The following DSE variants were observed in gnomAD, a reference collection of about 807,000 sequenced individuals.
DSE encodes the protein dermatan-sulfate epimerase.
DSE carries 36 observed loss-of-function variants against 84.4 expected under a neutral mutation model. That is an observed-to-expected ratio of 0.43 (90% CI 0.33 to 0.56). The LOEUF (loss-of-function observed/expected upper bound fraction) is 0.56. Among genes scored for constraint, DSE ranks in the 20% least tolerant of loss-of-function variants. The pLI is 0.06. For missense variants in DSE, 862 were observed against 1,169.6 expected (o/e 0.74, Z 3.84); for synonymous variants, 410 against 430.1 (o/e 0.95, Z 0.58).
At chr6:116,281,489 A>C (rs1440507757) in intron 2 of DSE, among the ~76,000 whole-genome samples, 1 of 152,200 alleles carries the variant, frequency 6.6e-6, no homozygotes, top group Non-Finnish European at 1.5e-5. Flanking sequence ...AGCCCCTTCT[A>C]CCTTGCTCAT....
At chr6:116,305,453 CA>C (rs1775289717) in intron 2 of DSE, among the ~76,000 whole-genome samples, 1 of 152,012 alleles carries the variant, frequency 6.6e-6, no homozygotes, top group Non-Finnish European at 1.5e-5. Flanking sequence ...TTGAAGGAGA[CA>C]AAAGAAGCAA....
At chr6:116,275,419 ATCTT>A (rs1339648951) in intron 2 of DSE, among the ~76,000 whole-genome samples, 2 of 152,244 alleles carry the variant, frequency 1.3e-5, no homozygotes, top group African/African-American at 4.8e-5. Flanking sequence ...TGCTCATTAA[ATCTT>A]TCTGAGAACT....
In DSE at chr6:116,430,937, G is replaced by A; in HGVS notation, c.671-17G>A. On this transcript the variant is annotated splice_polypyrimidine_tract_variant and intron_variant, in intron 3 of 5. Coordinates refer to ENST00000644252, the MANE Select transcript of DSE (RefSeq NM_013352.4). ...CACAGGCTTTAGTCATTGCTTCCAT[G>A]TGTTTTCATCCTTCAGGATATCTTC... 6.2e-7 allele frequency: 1 copy of A among 1,611,194 alleles called. No homozygotes were observed. The highest frequency in any genetic ancestry group is 8.5e-7 in the Non-Finnish European group (1 of 1,178,890).
intron 1 of DSE, among the ~76,000 whole-genome samples, chr6:116,385,778 G>A (rs2114959717): frequency 6.8e-6 from 1 of 147,472 alleles, no homozygotes; most frequent in East Asian, 2.0e-4. Flanking sequence ...ATCAAAATAA[G>A]TACATATAAA....
Position 116,339,357 on chromosome 6 carries a change from A to G in DSE, c.-53-59841A>G, listed in dbSNP as rs567486232. Among the ~76,000 whole-genome samples, 166 of 152,164 alleles carry G rather than the reference A, an allele frequency of 1.1e-3. 1 individual carries two copies. The highest frequency in any genetic ancestry group is 2.8e-4 in the Non-Finnish European group (19 of 68,012). ...CATGGTTTATTTCAGTGGAATTGAA[A>G]AAAGTAGCCAATTTTTTTCACAATT... On this transcript the variant is annotated intron_variant, in intron 2 of 3. Transcript: ENST00000430252.
rs1784135924 is a variant in DSE at position 116,436,096 on chromosome 6, G to A, written c.1628G>A (p.Gly543Glu). 3 of 1,613,120 alleles carry A rather than the reference G, an allele frequency of 1.9e-6. No homozygotes were observed. Among genetic ancestry groups the A allele is most frequent in the Non-Finnish European group, 2.5e-6 (3 of 1,180,008 alleles). The change falls in exon 6 of 6, where the codon GGA becomes GAA. Residue 543 changes from glycine (G) to glutamate (E), a missense_variant. Transcript: ENST00000644252. ...GTTTTCATCCGAGGAGAAGGTGTGG[G>A]AGCTTATAACCCCCAGCTCAACCTG... ...GVVFIRGEGV[G>E]AYNPQLNLKN...
At chr6:116,345,028 C>A (rs948619885) in intron 2 of DSE, among the ~76,000 whole-genome samples, 2 of 152,228 alleles carry the variant, frequency 1.3e-5, no homozygotes, top group East Asian at 3.9e-4. Context: ...ACAAAGAAGA[C>A]CATTACATAA....
intron 1 of DSE, among the ~76,000 whole-genome samples, chr6:116,373,839 A>G (rs771754580): frequency 9.9e-5 from 15 of 152,208 alleles, no homozygotes; most frequent in Non-Finnish European, 2.2e-4. Flanking sequence ...GTTATTTGTG[A>G]TACAATATTT....
intron 2 of DSE, chr6:116,277,687 G>T (rs1409196897): frequency 1.3e-5 from 2 of 152,204 alleles, no homozygotes; most frequent in East Asian, 3.9e-4. Flanking sequence ...GGCGGATCAC[G>T]AGATCGGGGT....
At chr6:116,267,864 G>C (rs1368025793) in intron 2 of DSE, among the ~76,000 whole-genome samples, 4 of 152,208 alleles carry the variant, frequency 2.6e-5, no homozygotes, top group African/African-American at 9.6e-5. Context: ...GCTTGAGAGA[G>C]AGAGAGAGAG....
chr6:116,340,673 G>A (rs1160154378), intron 2 of DSE, among the ~76,000 whole-genome samples: 2 of 148,362 alleles, frequency 1.3e-5, no homozygotes, highest in Non-Finnish European at 3.0e-5. Context: ...GGTGTGTGAT[G>A]TTCCCCGCCC....
At chr6:116,267,877 C>A (rs1197573942) in intron 2 of DSE, among the ~76,000 whole-genome samples, 3 of 151,394 alleles carry the variant, frequency 2.0e-5, no homozygotes, top group African/African-American at 4.9e-5. Context: ...AGAGAGAGAG[C>A]AAGCCACATA....
intron 5 of DSE, among the ~76,000 whole-genome samples, chr6:116,435,312 C>T (rs1784075911): frequency 6.6e-6 from 1 of 152,180 alleles, no homozygotes; most frequent in Non-Finnish European, 1.5e-5. Flanking sequence ...CTGACATCAT[C>T]AAGTGAAGAT....
rs1784137112 is a variant in DSE at position 116,436,115 on chromosome 6, C to G, written c.1647C>G (p.Leu549=). The G allele has an allele frequency of 6.2e-7, 1 of 1,612,964 alleles. No individual in the cohort carries two copies. The highest frequency in any genetic ancestry group is 1.3e-5 in the African/African-American group (1 of 74,988). ...GEGVGAYNPQ[L]NLKNVQRNLI... Reference sequence around the variant, plus strand: ...GTGTGGGAGCTTATAACCCCCAGCTCAACCTGAAGAATGTTCAGAGGAATC... The same window carrying G: ...GTGTGGGAGCTTATAACCCCCAGCTGAACCTGAAGAATGTTCAGAGGAATC... Residue 549 remains leucine (L), a synonymous_variant, in exon 6 of 6, where the codon CTC becomes CTG. Transcript: ENST00000644252.
intron 1 of DSE, among the ~76,000 whole-genome samples, chr6:116,394,223 A>G (rs1193250158): frequency 6.6e-6 from 1 of 152,220 alleles, no homozygotes; most frequent in Non-Finnish European, 1.5e-5. Context: ...TTTCTGTGTG[A>G]CTGCTGAATC....
At chr6:116,423,867 G>A (rs997827432) in intron 2 of DSE, among the ~76,000 whole-genome samples, 2 of 152,198 alleles carry the variant, frequency 1.3e-5, no homozygotes, top group Admixed American at 6.5e-5. Flanking sequence ...ACCTGAAGGT[G>A]CCATAAACTT....
At chr6:116,287,469 C>T (rs531512094) in intron 2 of DSE, among the ~76,000 whole-genome samples, 1 of 151,766 alleles carries the variant, frequency 6.6e-6, no homozygotes, top group African/African-American at 2.4e-5. Context: ...AGTGTTTTTT[C>T]TCCTTGTCTT....
chr6:116,278,479 T>C lies in DSE; in HGVS notation c.-54+19512T>C, dbSNP rs369990802. 8 of 1,612,394 alleles carry C rather than the reference T, an allele frequency of 5.0e-6. No individual in the cohort carries two copies. In the African/African-American group the frequency reaches 8.0e-5, roughly 16 times the overall value. Reference sequence around the variant, plus strand: ...CAAGCACAGGTCCAGCAGAAGGTGGTAGGAGACCTTGTGCAGGAGTATTCC... The same window carrying C: ...CAAGCACAGGTCCAGCAGAAGGTGGCAGGAGACCTTGTGCAGGAGTATTCC... On this transcript the variant is annotated intron_variant, in intron 2 of 3. Coordinates refer to the DSE transcript ENST00000430252.
Position 116,438,595 on chromosome 6 carries a change from T to C in DSE, c.*1250T>C, listed in dbSNP as rs1268514574. Reference sequence around the variant, plus strand: ...ATAATCCATAGTTTCTACTTGAGCATAAGAAAATGATATACTTAAAAGGAA... The same window carrying C: ...ATAATCCATAGTTTCTACTTGAGCACAAGAAAATGATATACTTAAAAGGAA... On this transcript the variant is annotated 3_prime_UTR_variant, in exon 6 of 6. Coordinates refer to ENST00000644252, the MANE Select transcript of DSE (RefSeq NM_013352.4). The C allele has an allele frequency of 6.6e-6, 1 of 152,128 alleles. No homozygotes were observed. The highest frequency in any genetic ancestry group is 6.5e-5 in the Admixed American group (1 of 15,282). The allele number at this position is 152,128 out of a possible 1,614,324, so 9.4% of individuals were successfully genotyped here. A position where few individuals can be genotyped will look rare whatever the true frequency, so the allele number is the denominator to read the frequency against.
Sources: allele counts gnomAD v4.1 joint callset (sites outside exome capture counted in the v4.1 genomes callset), GRCh38; gene constraint gnomAD v4.1.1; transcripts MANE v1.5; gene names NCBI Gene and HGNC (gene_info 2026-07-23, HGNC 2026-07-21).